GASK1A: variants seen among roughly 807,000 people sequenced by gnomAD.
GASK1A encodes golgi associated kinase 1A.
In GASK1A, 40 loss-of-function variants were observed where a neutral mutation model predicts 41.2. That is an observed-to-expected ratio of 0.97 (90% CI 0.75 to 1.27). The LOEUF (loss-of-function observed/expected upper bound fraction) is 1.27, where lower values mean the gene tolerates loss of function less well. GASK1A is among the 50% of genes most tolerant of loss of function. GASK1A has a pLI of 0.00. For synonymous variants in GASK1A, 316 were observed against 307.1 expected, an observed-to-expected ratio of 1.03 and a Z score of -0.30; for missense variants, 678 against 745.1, an observed-to-expected ratio of 0.91 and a Z score of 1.05.
Position 42,984,195 on chromosome 3 carries a change from C to A in GASK1A, c.3+4550C>A, listed in dbSNP as rs757773516. ...CATTTTCTGGATGTGTCTGCACAGG[C>A]CTGTGTGTGAAGGACCACTTGGCCT... On this transcript the variant is annotated intron_variant, in intron 1 of 4. Transcript: ENST00000430121. The surrounding 1 kb of genome is among the most constrained non-coding windows in gnomAD (Gnocchi z 4.2). 1.3e-5 allele frequency among the ~76,000 whole-genome samples: 2 copies of A among 151,948 alleles called. No homozygotes were observed. Among genetic ancestry groups the A allele is most frequent in the African/African-American group, 4.8e-5 (2 of 41,360 alleles).
intron 2 of GASK1A, 87 bp downstream of exon 2, chr3:43,033,640 A>G: frequency 8.1e-7 from 1 of 1,227,844 alleles, no homozygotes; most frequent in Non-Finnish European, 1.1e-6. Flanking sequence ...CTGAGGTTAG[A>G]TGGTGACTCT....
At chr3:43,011,498 C>CAGAA (rs2089463530) in intron 1 of GASK1A, among the ~76,000 whole-genome samples, 1 of 152,088 alleles carries the variant, frequency 6.6e-6, no homozygotes, top group African/African-American at 2.4e-5. Context: ...GCAGGGCTGG[C>CAGAA]TTCTAGGATT....
intron 2 of GASK1A, among the ~76,000 whole-genome samples, chr3:43,034,608 G>C (rs764938672): frequency 6.6e-6 from 1 of 152,202 alleles, no homozygotes; most frequent in Non-Finnish European, 1.5e-5. Flanking sequence ...TGAAGAAAAG[G>C]GTCCTCAATG....
At chr3:43,002,186 C>T (rs1315852520) in intron 1 of GASK1A, among the ~76,000 whole-genome samples, 3 of 152,078 alleles carry the variant, frequency 2.0e-5, no homozygotes, top group Non-Finnish European at 4.4e-5. Context: ...CAAGACAAAC[C>T]GACAGTCGCA....
At chr3:43,022,484 T>C (rs899195084) in intron 1 of GASK1A, among the ~76,000 whole-genome samples, 14 of 146,240 alleles carry the variant, frequency 9.6e-5, no homozygotes, top group Admixed American at 2.0e-4. Flanking sequence ...ACATTTTTCA[T>C]TGTAGAAGAA....
chr3:42,982,340 A>G (rs1439127181), intron 1 of GASK1A, among the ~76,000 whole-genome samples: 1 of 152,214 alleles, frequency 6.6e-6, no homozygotes, highest in Non-Finnish European at 1.5e-5. Context: ...CTGCCAATTA[A>G]AAAATGTTTT....
chr3:43,036,571 T>C (rs1301898320), intron 2 of GASK1A, among the ~76,000 whole-genome samples: 1 of 152,228 alleles, frequency 6.6e-6, no homozygotes, highest in African/African-American at 2.4e-5. Flanking sequence ...TATAACACTC[T>C]GTATTAGTTA....
intron 2 of GASK1A, among the ~76,000 whole-genome samples, chr3:43,040,068 G>C (rs1337086766): frequency 6.6e-6 from 1 of 151,974 alleles, no homozygotes; most frequent in Non-Finnish European, 1.5e-5. Context: ...TTTTACGTTC[G>C]TGTGTTATAT....
intron 2 of GASK1A, among the ~76,000 whole-genome samples, chr3:43,047,276 A>G (rs1281810367): frequency 6.6e-6 from 1 of 152,258 alleles, no homozygotes; most frequent in Non-Finnish European, 1.5e-5. Context: ...GAGCTGCCCA[A>G]GACTGTGGGA....
At chr3:42,983,874 A>C (rs1228556834) in intron 1 of GASK1A, among the ~76,000 whole-genome samples, 1 of 152,196 alleles carries the variant, frequency 6.6e-6, no homozygotes, top group African/African-American at 2.4e-5. Context: ...GATCCAAAAA[A>C]CAGGGATGTC....
At chr3:42,990,349 C>CA (rs74270677) in intron 1 of GASK1A, among the ~76,000 whole-genome samples, 1,096 of 108,584 alleles carry the variant, frequency 0.01, 10 homozygotes, top group African/African-American at 0.025. Flanking sequence ...GACCCCGTCT[C>CA]AAAAAAAAAA....
intron 1 of GASK1A, among the ~76,000 whole-genome samples, chr3:42,980,200 C>A (rs576575620): frequency 1.1e-4 from 17 of 152,296 alleles, no homozygotes; most frequent in African/African-American, 3.9e-4. Context: ...GACTGTTGGG[C>A]AGATGTGGAA....
At chr3:43,024,876 C>T (rs1235376582) in intron 1 of GASK1A, among the ~76,000 whole-genome samples, 1 of 152,174 alleles carries the variant, frequency 6.6e-6, no homozygotes, top group Non-Finnish European at 1.5e-5. Flanking sequence ...TGGGAAGGAA[C>T]AGTGTGTTAT....
intron 2 of GASK1A, among the ~76,000 whole-genome samples, chr3:43,051,766 T>C (rs567685181): frequency 6.6e-6 from 1 of 152,158 alleles, no homozygotes; most frequent in South Asian, 2.1e-4. Context: ...CAAAAAACCA[T>C]GCCTTTTAGT....
chr3:43,010,250 T>G (rs2089456800), intron 1 of GASK1A, among the ~76,000 whole-genome samples: 1 of 152,094 alleles, frequency 6.6e-6, no homozygotes, highest in African/African-American at 2.4e-5. Context: ...ACCACTCTGG[T>G]GAAGGAGGGA....
chr3:43,055,840 C>T (rs746120744), intron 4 of GASK1A: 14 of 469,784 alleles, frequency 3.0e-5, no homozygotes, highest in Non-Finnish European at 5.4e-5. Flanking sequence ...GTCTACCCCT[C>T]CCAGCTCACT....
rs190805916 is a variant in GASK1A at position 42,979,438 on chromosome 3, G to A, written c.-205G>A. ...CCCCACCCGCGGAGTATCCCGGTGT[G>A]CAGCGATCTCCCGAGAGTTGGCGCA... is the stretch of plus-strand genomic sequence containing the variant. On this transcript the variant is annotated 5_prime_UTR_variant, in exon 1 of 5. Coordinates refer to ENST00000430121, the MANE Select transcript of GASK1A (RefSeq NM_001129908.3). The A allele has an allele frequency of 5.6e-4, 244 of 434,446 alleles. 1 individual carries two copies. Among genetic ancestry groups the A allele is most frequent in the African/African-American group, 4.6e-3 (228 of 49,372 alleles). The allele number at this position is 434,446 out of a possible 1,614,324, so 26.9% of individuals were successfully genotyped here.
intron 3 of GASK1A, 175 bp downstream of exon 3, chr3:43,053,818 G>T (rs7638387): frequency 1.2e-6 from 1 of 816,524 alleles, no homozygotes. Context: ...AATATATAAA[G>T]CTGACAAAAT....
intron 4 of GASK1A, 170 bp from the exon 5 acceptor site, chr3:43,056,005 GT>G: frequency 1.7e-6 from 1 of 605,682 alleles, no homozygotes. Context: ...CAGGCAAAGG[GT>G]CCTCTGTTAG....
Sources: gnomAD v4.1 joint callset for allele counts (sites outside exome capture counted in the v4.1 genomes callset) on GRCh38, gnomAD v4.1.1 for gene constraint, Gnocchi (gnomAD v3.1) non-coding constraint, MANE v1.5 for transcripts, NCBI Gene and HGNC (gene_info 2026-07-23, HGNC 2026-07-21) for gene names.